The following JAK1 variants were observed in gnomAD, a reference collection of about 807,000 sequenced individuals.
JAK1 encodes tyrosine-protein kinase JAK1.
JAK1 carries 16 observed loss-of-function variants against 136.6 expected under a neutral mutation model. The ratio of observed to expected loss-of-function variants is 0.12; its 90% CI spans 0.08 to 0.18. The LOEUF is 0.18. Ranked by LOEUF, JAK1 falls within the 10% of genes least tolerant of loss-of-function variation. JAK1 has a pLI of 1.00. For synonymous variants in JAK1, 492 were observed against 519.5 expected (o/e 0.95, Z 0.72); for missense variants, 859 against 1,450.1 (o/e 0.59, Z 6.62).
At chr1:64,896,571 CATT>C (rs765054365) in intron 1 of JAK1, among the ~76,000 whole-genome samples, 9 of 152,192 alleles carry the variant, frequency 5.9e-5, no homozygotes, top group Non-Finnish European at 7.3e-5. Context: ...TCCAGGACAT[CATT>C]AATTAAGTAA....
At chr1:65,003,217 G>A (rs1646777289) in intron 2 of JAK1, among the ~76,000 whole-genome samples, 1 of 152,008 alleles carries the variant, frequency 6.6e-6, no homozygotes, top group South Asian at 2.1e-4. Context: ...GGCTCCAGGC[G>A]CCCTTTAAGT....
At chr1:64,854,475 TG>T (rs1655796600) in intron 11 of JAK1, among the ~76,000 whole-genome samples, 1 of 152,158 alleles carries the variant, frequency 6.6e-6, no homozygotes, top group Admixed American at 6.5e-5. Context: ...AGGTTAGGCC[TG>T]GCACTCAAGC....
chr1:64,902,583 A>AGAGAGAGAGAGT lies in JAK1; in HGVS notation c.-77-16243_-77-16242insACTCTCTCTCTC. On this transcript the variant is annotated intron_variant, in intron 1 of 24. Transcript: ENST00000342505. ...GAGAGAGAGAGAGAGAGAGAGAGAG[A>AGAGAGAGAGAGT]GTGTGTGTGTGTGTGTGTGTGTGTG... Among the ~76,000 whole-genome samples, 134 of 73,792 alleles carry AGAGAGAGAGAGT rather than the reference A, an allele frequency of 1.8e-3. 2 individuals carry two copies. In the East Asian group the frequency reaches 0.018, roughly 10 times the overall value. 48.4% of individuals were successfully genotyped at this position (73,792 alleles called of 152,430 possible).
chr1:64,913,511 C>T (rs186549946), intron 1 of JAK1, among the ~76,000 whole-genome samples: 35 of 151,844 alleles, frequency 2.3e-4, no homozygotes, highest in Admixed American at 1.8e-3. Flanking sequence ...TTCCTATGAA[C>T]CAGACACTAA....
intron 11 of JAK1, among the ~76,000 whole-genome samples, chr1:64,854,721 A>G (rs2101046371): frequency 6.6e-6 from 1 of 152,034 alleles, no homozygotes; most frequent in Middle Eastern, 3.4e-3. Flanking sequence ...CCTGGCCCCT[A>G]CAGCCTGCAG....
intron 2 of JAK1, among the ~76,000 whole-genome samples, chr1:64,995,321 C>T (rs773221330): frequency 2.6e-5 from 4 of 152,042 alleles, no homozygotes; most frequent in Non-Finnish European, 5.9e-5. Flanking sequence ...GAGTTGAATG[C>T]GATCTATAAT....
chr1:65,021,377 C>T (rs1241556353), intron 2 of JAK1, among the ~76,000 whole-genome samples: 3 of 152,206 alleles, frequency 2.0e-5, no homozygotes, highest in Admixed American at 6.5e-5. Context: ...TACCTTCTTC[C>T]ACCTCCCACT....
At chr1:64,953,660 A>C (rs933654813) in intron 1 of JAK1, among the ~76,000 whole-genome samples, 1 of 151,566 alleles carries the variant, frequency 6.6e-6, no homozygotes, top group African/African-American at 2.4e-5. Context: ...AAAACAAAAA[A>C]TTTTTTTTTA....
Position 65,023,705 on chromosome 1 carries a change from G to A in JAK1, c.-78+20775C>T, listed in dbSNP as rs149430471. On this transcript the variant is annotated intron_variant, in intron 2 of 25. Transcript: ENST00000671954. Reference sequence around the variant, plus strand: ...TCACCATGTTAGCCAGGATGGCCTCGATCTCCTGACTTCATGATCCACACA... The same window carrying A: ...TCACCATGTTAGCCAGGATGGCCTCAATCTCCTGACTTCATGATCCACACA... Among the ~76,000 whole-genome samples the A allele has an allele frequency of 1.2e-3, 187 of 151,868 alleles. 2 individuals are homozygous for A. The highest frequency in any genetic ancestry group is 3.8e-3 in the African/African-American group (157 of 41,414).
In JAK1 at chr1:64,883,438, A is replaced by G. The variant is rs766817040; in HGVS notation, c.44T>C (p.Phe15Ser). The G allele has an allele frequency of 1.9e-6, 3 of 1,614,046 alleles. No homozygotes were observed. The African/African-American group carries it at 4.0e-5, about 22-fold the overall frequency. ...CTTGGAGCTCCTCATTTTAGCACAG[A>G]AAGCCATGGCATTGCAGTCCTCTTT... Reference protein sequence around the residue: ...NIKEDCNAMAFCAKMRSSKKT... With the variant: ...NIKEDCNAMASCAKMRSSKKT... The change falls in exon 3 of 25, where the codon TTC becomes TCC. Residue 15 changes from phenylalanine (F) to serine (S), a missense_variant. Physicochemically the swap from Phe to Ser is radical, Grantham distance 155. Around this residue, in one of 4 missense-constraint regions of JAK1, gnomAD observed 353 missense variants for 494.0 expected, o/e 0.71. Transcript: ENST00000342505.
intron 5 of JAK1, among the ~76,000 whole-genome samples, chr1:64,869,934 G>A (rs1216568303): frequency 3.3e-5 from 5 of 152,124 alleles, no homozygotes; most frequent in East Asian, 1.9e-4. Flanking sequence ...AAAGGGGAAC[G>A]TTCCGCAGTG....
intron 1 of JAK1, among the ~76,000 whole-genome samples, chr1:64,936,776 T>C (rs896205960): frequency 1.3e-5 from 2 of 151,780 alleles, no homozygotes; most frequent in African/African-American, 4.9e-5. Context: ...GCTATATTTC[T>C]TCCATAAATG....
chr1:64,876,646 C>T (rs374176167), intron 4 of JAK1, among the ~76,000 whole-genome samples: 2 of 152,078 alleles, frequency 1.3e-5, no homozygotes, highest in East Asian at 1.9e-4. Context: ...TTCCACACAC[C>T]TTTTTAAAAT....
upstream of JAK1, among the ~76,000 whole-genome samples, chr1:64,971,051 G>C (rs1646447687): frequency 6.6e-6 from 1 of 152,164 alleles, no homozygotes; most frequent in Non-Finnish European, 1.5e-5. Flanking sequence ...AAATATGTTA[G>C]ATGCAAACAA....
At chr1:64,980,625 C>A (rs1646536364) in intron 2 of JAK1, among the ~76,000 whole-genome samples, 2 of 151,472 alleles carry the variant, frequency 1.3e-5, no homozygotes, top group Admixed American at 1.3e-4. Context: ...GCACAACGTG[C>A]CGGTTTGTCA....
At chr1:64,986,801 G>T (rs543691783) in intron 2 of JAK1, among the ~76,000 whole-genome samples, 69 of 152,138 alleles carry the variant, frequency 4.5e-4, no homozygotes, top group African/African-American at 1.5e-3. Context: ...GAGCCCAGGA[G>T]GTCAAGGCTG....
At position 64,982,120 on chromosome 1, in the gene JAK1, A is replaced by G. The variant is rs547969692; in HGVS notation, c.-78+62360T>C. Among the ~76,000 whole-genome samples the G allele has an allele frequency of 3.6e-5, 4 of 109,748 alleles. 1 individual carries two copies. In the South Asian group the frequency reaches 8.3e-4, roughly 23 times the overall value. 72.0% of individuals were successfully genotyped at this position (109,748 alleles called of 152,430 possible). ...CACACACGCACACACACACGCACAC[A>G]CACGCACACACACACACATACAACC... On this transcript the variant is annotated intron_variant, in intron 2 of 25. Transcript: ENST00000671954.
At chr1:64,905,422 T>A (rs192360477) in intron 1 of JAK1, among the ~76,000 whole-genome samples, 36 of 152,308 alleles carry the variant, frequency 2.4e-4, no homozygotes, top group Admixed American at 2.1e-3. Flanking sequence ...ATGTCAAATA[T>A]CAGTGTTAAA....
intron 1 of JAK1, among the ~76,000 whole-genome samples, chr1:64,921,729 T>C (rs560205989): frequency 1.3e-5 from 2 of 152,154 alleles, no homozygotes; most frequent in South Asian, 2.1e-4. Flanking sequence ...GATTATACTA[T>C]TGGGAGTGGA....
Sources: gnomAD v4.1 joint callset for allele counts (sites outside exome capture counted in the v4.1 genomes callset) on GRCh38, gnomAD v4.1.1 for gene constraint, gnomAD v4.1.1 regional missense constraint, MANE v1.5 for transcripts, NCBI Gene and HGNC (gene_info 2026-07-23, HGNC 2026-07-21) for gene names.